RBPMS: variants seen among roughly 807,000 people sequenced by gnomAD.
RBPMS encodes the protein RNA-binding protein with multiple splicing.
Under a neutral mutation model 26.8 loss-of-function variants are expected in RBPMS, and 7 were observed. The observed-to-expected ratio is 0.26, with a 90% CI of 0.15 to 0.49. RBPMS has a LOEUF of 0.49. RBPMS is among the 20% of genes least tolerant of loss of function. The probability of loss-of-function intolerance (pLI) is 0.98; values close to 1 mark genes in which losing one functional copy is unlikely to be tolerated. For synonymous variants in RBPMS, 96 were observed against 93.3 expected (o/e 1.03, Z -0.17); for missense variants, 186 against 250.0 (o/e 0.74, Z 1.73).
chr8:30,551,615 A>C (rs1319348017), intron 6 of RBPMS, among the ~76,000 whole-genome samples: 1 of 152,130 alleles, frequency 6.6e-6, no homozygotes, highest in East Asian at 1.9e-4. Context: ...TGTCCTTAAT[A>C]GTAGTAAGAG....
chr8:30,423,685 T>G (rs1232413429), intron 1 of RBPMS, among the ~76,000 whole-genome samples: 2 of 152,112 alleles, frequency 1.3e-5, no homozygotes, highest in African/African-American at 4.8e-5. Context: ...CCGGAAATAG[T>G]AAATCTTAGT....
At chr8:30,524,611 G>C (rs969912761) in intron 5 of RBPMS, among the ~76,000 whole-genome samples, 1 of 152,048 alleles carries the variant, frequency 6.6e-6, no homozygotes, top group Non-Finnish European at 1.5e-5. Context: ...TATAAGTAGG[G>C]CAAGGTGAGA....
chr8:30,431,886 C>T (rs1475215835), intron 1 of RBPMS, among the ~76,000 whole-genome samples: 1 of 151,762 alleles, frequency 6.6e-6, no homozygotes, highest in African/African-American at 2.4e-5. Context: ...TTTGGGAGGC[C>T]GAGGTGGGAG....
In RBPMS at chr8:30,419,318, C is replaced by T. The variant is rs1482267370; in HGVS notation, c.66+34160C>T. Among the ~76,000 whole-genome samples the T allele has an allele frequency of 2.6e-5, 4 of 152,116 alleles. No individual in the cohort carries two copies. The East Asian group carries it at 5.8e-4, about 22-fold the overall frequency. ...AAAATTATCCGGGCATGGTGGTGCA[C>T]GTCTGTAGTTTCAGCTGCTCAGGAG... On this transcript the variant is annotated intron_variant, in intron 1 of 8. Transcript: ENST00000397323.
chr8:30,562,039 A>G (rs1370561852), intron 7 of RBPMS: 1 of 985,406 alleles, frequency 1.0e-6, no homozygotes, highest in Non-Finnish European at 1.2e-6. Flanking sequence ...CCGAATAAGA[A>G]TATGTAATGG....
chr8:30,452,078 C>T (rs1234549897), intron 1 of RBPMS, among the ~76,000 whole-genome samples: 2 of 152,098 alleles, frequency 1.3e-5, no homozygotes, highest in African/African-American at 2.4e-5. Context: ...CCTTCCTTTG[C>T]GAGATGCCTT....
chr8:30,389,340 TC>T (rs1236368913), intron 1 of RBPMS, among the ~76,000 whole-genome samples: 1 of 152,230 alleles, frequency 6.6e-6, no homozygotes, highest in Non-Finnish European at 1.5e-5. Flanking sequence ...TCTTCTTCAT[TC>T]CCAGTGGCAT....
At chr8:30,568,433 C>T (rs1014658001) in intron 8 of RBPMS, among the ~76,000 whole-genome samples, 2 of 152,162 alleles carry the variant, frequency 1.3e-5, no homozygotes, top group African/African-American at 4.8e-5. Flanking sequence ...CATCCTGACC[C>T]CAGGCCCATC....
At chr8:30,520,314 G>A (rs1359546364) in intron 5 of RBPMS, among the ~76,000 whole-genome samples, 1 of 152,132 alleles carries the variant, frequency 6.6e-6, no homozygotes, top group African/African-American at 2.4e-5. Flanking sequence ...AATCTCCATT[G>A]GTGATCACTG....
Position 30,511,476 on chromosome 8 carries a change from A to G in RBPMS, c.397+7040A>G, listed in dbSNP as rs200462910. ...ATCTCTTTAAAACAAAAAAAGAAAAAAAAAAAAAAAATATATATATATATA... is the reference window on the plus strand; with the variant it reads ...ATCTCTTTAAAACAAAAAAAGAAAAGAAAAAAAAAAATATATATATATATA... On this transcript the variant is annotated intron_variant, in intron 5 of 8. Coordinates refer to ENST00000397323, the MANE Select transcript of RBPMS (RefSeq NM_001008710.3). 4.3e-3 allele frequency among the ~76,000 whole-genome samples: 22 copies of G among 5,092 alleles called. 1 individual carries two copies. The highest frequency in any genetic ancestry group is 8.7e-3 in the Non-Finnish European group (18 of 2,078). 3.3% of individuals were successfully genotyped at this position (5,092 alleles called of 152,430 possible). A position where few individuals can be genotyped will look rare whatever the true frequency, so the allele number is the denominator to read the frequency against.
intron 1 of RBPMS, among the ~76,000 whole-genome samples, chr8:30,463,352 CT>C (rs1200801517): frequency 3.9e-5 from 6 of 152,216 alleles, no homozygotes; most frequent in African/African-American, 1.4e-4. Context: ...TTAGCTGGGG[CT>C]GCGGTCATCT....
chr8:30,511,481 AAAAAAATATATATATATATATAT>A (rs1436798815), intron 5 of RBPMS, among the ~76,000 whole-genome samples: 10,516 of 73,100 alleles, frequency 0.14, 700 homozygotes, highest in African/African-American at 0.21. Context: ...GAAAAAAAAA[AAAAAAATATATATATATATATAT>A]ATATATATAT....
intron 5 of RBPMS, among the ~76,000 whole-genome samples, chr8:30,542,929 A>C (rs1463036797): frequency 6.6e-6 from 1 of 152,156 alleles, no homozygotes; most frequent in East Asian, 1.9e-4. Flanking sequence ...TGATCATTTT[A>C]AGGACTCTGG....
intron 4 of RBPMS, among the ~76,000 whole-genome samples, chr8:30,492,347 AG>A (rs1217002394): frequency 1.3e-5 from 2 of 152,212 alleles, no homozygotes; most frequent in Non-Finnish European, 2.9e-5. Context: ...TAGATGCAAA[AG>A]TAGGTTGATC....
In RBPMS at chr8:30,477,143, C is replaced by T. The variant is rs191593679; in HGVS notation, c.145-656C>T. On this transcript the variant is annotated intron_variant, in intron 2 of 8. Transcript: ENST00000397323. ...CATCGGCTCACTGCAAGCTCTGCCT[C>T]CCGGGTTCATACCATTCTCCTGCCT... 4.4e-4 allele frequency among the ~76,000 whole-genome samples: 67 copies of T among 152,292 alleles called. 1 individual carries two copies. The East Asian group carries it at 7.7e-3, about 18-fold the overall frequency.
In RBPMS at chr8:30,477,851, A is replaced by C. The variant is rs1352814034; in HGVS notation, c.183+14A>C. ...ACATCTAAACAGGTAAGAATTTCAA[A>C]GTGGCATATAAAGATCACTTTTTTA... On this transcript the variant is annotated intron_variant, in intron 3 of 8. Coordinates refer to ENST00000397323, the MANE Select transcript of RBPMS (RefSeq NM_001008710.3). 1 of 1,573,360 alleles carries C rather than the reference A, an allele frequency of 6.4e-7. No homozygotes were observed. The highest frequency in any genetic ancestry group is 1.1e-5 in the South Asian group (1 of 89,938).
At chr8:30,480,641 A>G (rs534364449) in intron 4 of RBPMS, among the ~76,000 whole-genome samples, 16 of 152,224 alleles carry the variant, frequency 1.1e-4, no homozygotes, top group Admixed American at 3.9e-4. Context: ...CCTCTCCTGT[A>G]TAACAAAGTA....
chr8:30,476,164 T>G (rs953192571), intron 2 of RBPMS, among the ~76,000 whole-genome samples: 1 of 151,500 alleles, frequency 6.6e-6, no homozygotes, highest in African/African-American at 2.4e-5. Context: ...CACAATCCTT[T>G]CAAGTGGGTG....
intron 6 of RBPMS, chr8:30,549,472 A>G (rs1826118587): frequency 6.3e-7 from 1 of 1,576,602 alleles, no homozygotes; most frequent in Admixed American, 1.7e-5. Flanking sequence ...TAATCCTCTG[A>G]CATTTACCTT....
Sources: gnomAD v4.1 joint callset for allele counts (sites outside exome capture counted in the v4.1 genomes callset) on GRCh38, gnomAD v4.1.1 for gene constraint, MANE v1.5 for transcripts, NCBI Gene and HGNC (gene_info 2026-07-23, HGNC 2026-07-21) for gene names.